SLC25A25: variants seen among roughly 807,000 people sequenced by gnomAD.
SLC25A25 encodes solute carrier family 25 member 25.
In SLC25A25, 32 loss-of-function variants were observed where a neutral mutation model predicts 57.7. The ratio of observed to expected loss-of-function variants is 0.55; its 90% confidence interval spans 0.42 to 0.74. The LOEUF (loss-of-function observed/expected upper bound fraction) is 0.74, where lower values mean the gene tolerates loss of function less well. SLC25A25 is among the 30% of genes least tolerant of loss of function. The pLI is 0.00. For synonymous variants in SLC25A25, 306 were observed against 291.2 expected (o/e 1.05, Z -0.52); for missense variants, 556 against 701.3 (o/e 0.79, Z 2.34).
In SLC25A25 at chr9:128,101,541, G is replaced by A; in HGVS notation, c.476+145G>A. ...GGATGAATAAGTAACCCCTGTGGGAGGCCAGCCCCTCCCCAGGGTTGCAGG... is the reference window on the plus strand; with the variant it reads ...GGATGAATAAGTAACCCCTGTGGGAAGCCAGCCCCTCCCCAGGGTTGCAGG... On this transcript the variant is annotated intron_variant, in intron 3 of 10. Transcript: ENST00000373069. This position sits in a 1 kb window ranked among gnomAD's most constrained non-coding sequence, Gnocchi z 4.9. 1.2e-6 allele frequency: 1 copy of A among 828,324 alleles called. No homozygotes were observed. The highest frequency in any genetic ancestry group is 1.9e-6 in the Non-Finnish European group (1 of 532,760). The allele number at this position is 828,324 out of a possible 1,614,324, so 51.3% of individuals were successfully genotyped here. A position where few individuals can be genotyped will look rare whatever the true frequency, so the allele number is the denominator to read the frequency against.
chr9:128,083,513 C>CTT (rs1315501906), intron 1 of SLC25A25, among the ~76,000 whole-genome samples: 1,228 of 117,442 alleles, frequency 0.01, 57 homozygotes, highest in African/African-American at 0.038. Flanking sequence ...TTTCTTTTTT[C>CTT]TTTTTTTTTT....
At chr9:128,090,989 T>A (rs1833390590) in intron 1 of SLC25A25, 1 of 152,256 alleles carries the variant, frequency 6.6e-6, no homozygotes, top group African/African-American at 2.4e-5. Context: ...CTGTGCCTGG[T>A]CCTAGGGGTA....
rs1054145155 is a variant in SLC25A25, at chr9:128,102,686, G to A, written c.624+205G>A. Among the ~76,000 whole-genome samples, 2 of 152,148 alleles carry A rather than the reference G, an allele frequency of 1.3e-5. No individual in the cohort carries two copies. Among genetic ancestry groups the A allele is most frequent in the Non-Finnish European group, 2.9e-5 (2 of 68,018 alleles). ...TCCAGCCAACCTGAACAGCCCCATCGTTCACACACACAGGCTTCCTCTTCC... is the reference window on the plus strand; with the variant it reads ...TCCAGCCAACCTGAACAGCCCCATCATTCACACACACAGGCTTCCTCTTCC... On this transcript the variant is annotated intron_variant, in intron 5 of 10. Transcript: ENST00000373069. The surrounding 1 kb of genome is among the most constrained non-coding windows in gnomAD (Gnocchi z 4.1).
At chr9:128,093,737 G>A (rs1487879270) in intron 1 of SLC25A25, among the ~76,000 whole-genome samples, 3 of 152,228 alleles carry the variant, frequency 2.0e-5, no homozygotes, top group South Asian at 2.1e-4. Context: ...GATGCAGCCC[G>A]CATCCTTTTC....
At chr9:128,083,513 CTTTTTT>C (rs1315501906) in intron 1 of SLC25A25, among the ~76,000 whole-genome samples, 37 of 117,454 alleles carry the variant, frequency 3.2e-4, no homozygotes, top group Non-Finnish European at 2.5e-4. Context: ...TTTCTTTTTT[CTTTTTT>C]TTTTTTTTGA....
chr9:128,080,825 G>A (rs968038541), intron 1 of SLC25A25, among the ~76,000 whole-genome samples: 4 of 152,070 alleles, frequency 2.6e-5, no homozygotes, highest in Non-Finnish European at 5.9e-5. Context: ...GAACTGGAGC[G>A]TTTTCAAGGT....
chr9:128,091,771 C>T (rs374334710), intron 1 of SLC25A25: 1 of 1,494,504 alleles, frequency 6.7e-7, no homozygotes, highest in South Asian at 1.4e-5. Context: ...GAACCCCAGG[C>T]CCGTCCTCCC....
chr9:128,093,921 G>A (rs1242522321), intron 1 of SLC25A25, among the ~76,000 whole-genome samples: 1 of 152,168 alleles, frequency 6.6e-6, no homozygotes, highest in Non-Finnish European at 1.5e-5. Context: ...AGTCTGAGGT[G>A]GACAGATCAC....
chr9:128,097,208 C>T (rs892349935), intron 1 of SLC25A25, among the ~76,000 whole-genome samples: 3 of 152,180 alleles, frequency 2.0e-5, no homozygotes, highest in Non-Finnish European at 2.9e-5. Flanking sequence ...GAGACTGAGC[C>T]TGTTCTCATC....
intron 1 of SLC25A25, among the ~76,000 whole-genome samples, chr9:128,088,401 A>C (rs1477234509): frequency 1.3e-5 from 2 of 151,850 alleles, no homozygotes; most frequent in Non-Finnish European, 2.9e-5. Flanking sequence ...CCCTTGGGGG[A>C]GCTCACTCCC....
intron 6 of SLC25A25, among the ~76,000 whole-genome samples, chr9:128,105,157 C>CT (rs1564195477): frequency 1.0e-5 from 1 of 96,886 alleles, no homozygotes; most frequent in African/African-American, 4.1e-5. Context: ...ACACTCCCGG[C>CT]CTTTTTTTTT....
Position 128,101,734 on chromosome 9 carries a change from C to T in SLC25A25, c.476+338C>T, listed in dbSNP as rs976385867. Among the ~76,000 whole-genome samples, 2 of 152,216 alleles carry T rather than the reference C, an allele frequency of 1.3e-5. No individual in the cohort carries two copies. Among genetic ancestry groups the T allele is most frequent in the Non-Finnish European group, 2.9e-5 (2 of 68,032 alleles). On this transcript the variant is annotated intron_variant, in intron 3 of 10. Transcript: ENST00000373069. This position sits in a 1 kb window ranked among gnomAD's most constrained non-coding sequence, Gnocchi z 4.9. ...GGGCGGGGGGCTCACACTGCAGCCT[C>T]GTTCCCAGGTGAATTTCTTCCCCAT...
At chr9:128,105,691 C>T in intron 6 of SLC25A25, 38 bp from the exon 7 acceptor site, 1 of 1,611,432 alleles carries the variant, frequency 6.2e-7, no homozygotes, top group Non-Finnish European at 8.5e-7. Flanking sequence ...AGCCTGTGGC[C>T]CCCCGGGTCC....
intron 1 of SLC25A25, among the ~76,000 whole-genome samples, chr9:128,098,100 T>C (rs10819361): frequency 0.13 from 19,097 of 152,238 alleles, 1,308 homozygotes; most frequent in South Asian, 0.23. Flanking sequence ...ACTGATTTTT[T>C]GGTTGGGAAT....
intron 1 of SLC25A25, chr9:128,100,819 A>G (rs1363738644): frequency 2.3e-6 from 1 of 437,760 alleles, no homozygotes; most frequent in African/African-American, 2.0e-5. Flanking sequence ...CTCTGTCCGG[A>G]GGGCTCTTCC....
At chr9:128,096,256 C>A (rs1833553683) in intron 1 of SLC25A25, among the ~76,000 whole-genome samples, 1 of 152,146 alleles carries the variant, frequency 6.6e-6, no homozygotes. Context: ...TACCTGTAAT[C>A]CTAGCACTTT....
Position 128,101,326 on chromosome 9 carries a change from G to A in SLC25A25, c.406G>A (p.Glu136Lys). 1.2e-6 allele frequency: 2 copies of A among 1,614,270 alleles called. No homozygotes were observed. Among genetic ancestry groups the A allele is most frequent in the Non-Finnish European group, 1.7e-6 (2 of 1,180,048 alleles). The change falls in exon 3 of 11, where the codon GAG (glutamate) becomes AAG (lysine). Residue 136 changes from glutamate (E) to lysine (K), a missense_variant. Coordinates refer to ENST00000373069, the MANE Select transcript of SLC25A25 (RefSeq NM_001330988.2). This position sits in a 1 kb window ranked among gnomAD's most constrained non-coding sequence, Gnocchi z 4.9. ...KKNDGRIDAQ[E>K]IMQSLRDLGV... ...TCTTGCAGGACGCATTGACGCGCAG[G>A]AGATCATGCAGTCCCTGCGGGACTT...
At chr9:128,093,551 C>T (rs531675540) in intron 1 of SLC25A25, among the ~76,000 whole-genome samples, 3 of 152,314 alleles carry the variant, frequency 2.0e-5, no homozygotes, top group African/African-American at 7.2e-5. Flanking sequence ...AATCAAGAGA[C>T]CCACACCTTT....
intron 6 of SLC25A25, among the ~76,000 whole-genome samples, chr9:128,105,468 G>A (rs1487028758): frequency 6.7e-6 from 1 of 148,312 alleles, no homozygotes; most frequent in African/African-American, 2.5e-5. Context: ...ACCGCGCCCA[G>A]CCTTGATTTT....
Sources: allele counts gnomAD v4.1 joint callset (sites outside exome capture counted in the v4.1 genomes callset), GRCh38; gene constraint gnomAD v4.1.1; non-coding constraint Gnocchi (gnomAD v3.1); transcripts MANE v1.5; gene names NCBI Gene and HGNC (gene_info 2026-07-23, HGNC 2026-07-21).